Variants in PTPRD observed in about 807,000 individuals in gnomAD.
PTPRD encodes the protein protein tyrosine phosphatase receptor type D, also known as receptor-type tyrosine-protein phosphatase delta.
Under a neutral mutation model 214.5 loss-of-function variants are expected in PTPRD, and 34 were observed. The observed-to-expected ratio is 0.16, with a 90% confidence interval of 0.12 to 0.21. PTPRD has a LOEUF of 0.21. PTPRD is among the 10% of genes least tolerant of loss of function. The probability of loss-of-function intolerance (pLI) is 1.00; values close to 1 mark genes in which losing one functional copy is unlikely to be tolerated. For synonymous variants in PTPRD, 1,128 were observed against 845.7 expected, an observed-to-expected ratio of 1.33 and a Z score of -5.79; for missense variants, 2,545 against 2,398.7, an observed-to-expected ratio of 1.06 and a Z score of -1.27.
intron 11 of PTPRD, among the ~76,000 whole-genome samples, chr9:8,940,190 AT>A (rs1228636680): frequency 2.0e-5 from 3 of 150,528 alleles, no homozygotes; most frequent in East Asian, 3.9e-4. Flanking sequence ...ACATGGTTCA[AT>A]CCCTGATACC....
At chr9:10,316,604 T>C (rs2096439712) in intron 3 of PTPRD, among the ~76,000 whole-genome samples, 1 of 152,022 alleles carries the variant, frequency 6.6e-6, no homozygotes. Context: ...TATGGTTTTA[T>C]GTTCAAAGCC....
At chr9:9,341,232 C>A (rs2046671898) in intron 9 of PTPRD, among the ~76,000 whole-genome samples, 1 of 152,078 alleles carries the variant, frequency 6.6e-6, no homozygotes, top group Admixed American at 6.6e-5. Flanking sequence ...GCCTTTCTTC[C>A]TTTCAGCTGC....
intron 9 of PTPRD, among the ~76,000 whole-genome samples, chr9:9,222,624 C>T (rs966194121): frequency 6.6e-5 from 10 of 151,990 alleles, no homozygotes; most frequent in Admixed American, 3.3e-4. Context: ...TGTCTAAACA[C>T]GAAAACAGAT....
At chr9:9,710,364 A>G (rs190060321) in intron 7 of PTPRD, among the ~76,000 whole-genome samples, 42 of 152,238 alleles carry the variant, frequency 2.8e-4, no homozygotes, top group African/African-American at 8.2e-4. Context: ...AGGTACTTGT[A>G]CTTACAATGG....
intron 5 of PTPRD, among the ~76,000 whole-genome samples, chr9:9,911,029 C>A (rs1446413549): frequency 6.6e-6 from 1 of 152,008 alleles, no homozygotes; most frequent in Non-Finnish European, 1.5e-5. Flanking sequence ...TTTTGGCTAA[C>A]TCCTTACAGT....
At chr9:9,403,298 A>AAAAC (rs2071675645) in intron 8 of PTPRD, among the ~76,000 whole-genome samples, 2 of 147,770 alleles carry the variant, frequency 1.4e-5, no homozygotes, top group East Asian at 2.3e-4. Context: ...CTCAAAAAAA[A>AAAAC]AAAAAAAAAA....
chr9:9,066,088 T>C (rs1422395919), intron 10 of PTPRD, among the ~76,000 whole-genome samples: 2 of 152,116 alleles, frequency 1.3e-5, no homozygotes, highest in Admixed American at 6.6e-5. Flanking sequence ...ATTTCATTTA[T>C]GGTTGTTGCA....
At chr9:9,503,381 C>T (rs1011288583) in intron 8 of PTPRD, among the ~76,000 whole-genome samples, 1 of 151,498 alleles carries the variant, frequency 6.6e-6, no homozygotes, top group Non-Finnish European at 1.5e-5. Flanking sequence ...AAGTGACTCA[C>T]ATTTTTTAGT....
chr9:8,887,262 G>C (rs2098499133), intron 11 of PTPRD, among the ~76,000 whole-genome samples: 1 of 152,096 alleles, frequency 6.6e-6, no homozygotes, highest in Non-Finnish European at 1.5e-5. Context: ...AGGTGGTTGA[G>C]ACCCCCAAGA....
At chr9:9,263,388 A>C (rs78310224) in intron 9 of PTPRD, among the ~76,000 whole-genome samples, 3,637 of 151,764 alleles carry the variant, frequency 0.024, 115 homozygotes, top group African/African-American at 0.069. Flanking sequence ...GTTTAGTTCA[A>C]CTGAATGACT....
At chr9:8,391,956 A>T (rs1199474803) in intron 36 of PTPRD, among the ~76,000 whole-genome samples, 1 of 151,048 alleles carries the variant, frequency 6.6e-6, no homozygotes, top group African/African-American at 2.5e-5. Flanking sequence ...TTTGAATAAT[A>T]AATTCTTTTT....
intron 14 of PTPRD, among the ~76,000 whole-genome samples, chr9:8,615,417 G>A (rs1421758326): frequency 6.6e-6 from 1 of 152,128 alleles, no homozygotes; most frequent in Non-Finnish European, 1.5e-5. Context: ...ATTTAAACAT[G>A]AAGAAAGAGC....
At chr9:10,397,317 T>A (rs958575692) in intron 2 of PTPRD, among the ~76,000 whole-genome samples, 1 of 152,044 alleles carries the variant, frequency 6.6e-6, no homozygotes, top group African/African-American at 2.4e-5. Context: ...CAGACATTTG[T>A]TGTGTCAGTT....
chr9:8,410,931 A>G (rs915755525), intron 35 of PTPRD, among the ~76,000 whole-genome samples: 2 of 152,182 alleles, frequency 1.3e-5, no homozygotes, highest in South Asian at 2.1e-4. Context: ...TATCTGAGGT[A>G]AACTTTTGAT....
chr9:10,482,980 G>A (rs1023755988), intron 2 of PTPRD, among the ~76,000 whole-genome samples: 1 of 152,038 alleles, frequency 6.6e-6, no homozygotes, highest in Non-Finnish European at 1.5e-5. Flanking sequence ...AATAGCCAAG[G>A]CAATCCTAAG....
intron 5 of PTPRD, among the ~76,000 whole-genome samples, chr9:9,814,795 C>CT (rs34270280): frequency 0.066 from 7,056 of 106,324 alleles, 366 homozygotes; most frequent in Middle Eastern, 0.14. Flanking sequence ...ACCAAAGTGA[C>CT]TTTTTTTTTT....
chr9:8,863,524 A>G (rs2154546174), intron 11 of PTPRD, among the ~76,000 whole-genome samples: 1 of 152,328 alleles, frequency 6.6e-6, no homozygotes, highest in East Asian at 1.9e-4. Context: ...GTCAGCTAAA[A>G]TTTAACAGGT....
intron 8 of PTPRD, among the ~76,000 whole-genome samples, chr9:9,511,350 A>G (rs1160173420): frequency 1.3e-5 from 2 of 151,788 alleles, no homozygotes; most frequent in Non-Finnish European, 2.9e-5. Context: ...GCTGAGATTC[A>G]ATACAGCTGT....
At chr9:9,925,014 G>T (rs62536886) in intron 5 of PTPRD, among the ~76,000 whole-genome samples, 1 of 151,980 alleles carries the variant, frequency 6.6e-6, no homozygotes, top group Non-Finnish European at 1.5e-5. Flanking sequence ...AGTCAATACC[G>T]AGTAGCAATA....
Sources: gnomAD v4.1 joint callset for allele counts (sites outside exome capture counted in the v4.1 genomes callset) on GRCh38, gnomAD v4.1.1 for gene constraint, MANE v1.5 for transcripts, NCBI Gene and HGNC (gene_info 2026-07-23, HGNC 2026-07-21) for gene names.